ARHGAP26: variants seen among roughly 807,000 people sequenced by gnomAD.
ARHGAP26 encodes the protein rho GTPase-activating protein 26.
Under a neutral mutation model 104.8 loss-of-function variants are expected in ARHGAP26, and 38 were observed. That is an observed-to-expected ratio of 0.36 (90% CI 0.28 to 0.48). ARHGAP26 has a LOEUF of 0.48. Ranked by LOEUF, ARHGAP26 falls within the 20% of genes least tolerant of loss-of-function variation. ARHGAP26 has a pLI of 0.99. For synonymous variants in ARHGAP26, 341 were observed against 340.0 expected, an observed-to-expected ratio of 1.00 and a Z score of -0.03; for missense variants, 704 against 947.9, an observed-to-expected ratio of 0.74 and a Z score of 3.38.
chr5:142,855,764 T>C (rs1561958250), intron 1 of ARHGAP26, among the ~76,000 whole-genome samples: 1 of 152,220 alleles, frequency 6.6e-6, no homozygotes, highest in Non-Finnish European at 1.5e-5. Context: ...AAGATTGTTT[T>C]ATTGTTTTCT....
chr5:143,164,925 G>A (rs544578199), intron 20 of ARHGAP26: 4 of 152,088 alleles, frequency 2.6e-5, no homozygotes, highest in Non-Finnish European at 2.9e-5. Context: ...TCAGTGTGTC[G>A]GGCCTCAAAA....
chr5:143,102,702 A>G (rs937728724), intron 17 of ARHGAP26, among the ~76,000 whole-genome samples: 2 of 152,244 alleles, frequency 1.3e-5, no homozygotes, highest in Non-Finnish European at 2.9e-5. Context: ...TTACCAAAGC[A>G]TTCTTCACTA....
At chr5:143,035,164 A>T (rs1049270072) in intron 12 of ARHGAP26, among the ~76,000 whole-genome samples, 2 of 152,216 alleles carry the variant, frequency 1.3e-5, no homozygotes, top group African/African-American at 4.8e-5. Flanking sequence ...TTAATATTTC[A>T]GTTTGGGAAG....
intron 1 of ARHGAP26, among the ~76,000 whole-genome samples, chr5:142,777,675 C>T (rs570814578): frequency 6.6e-6 from 1 of 152,284 alleles, no homozygotes; most frequent in African/African-American, 2.4e-5. Context: ...TTACCATGTC[C>T]TCCAGAGCCC....
chr5:142,871,985 A>G lies in ARHGAP26; in HGVS notation c.155-1415A>G, dbSNP rs746530508. Reference sequence around the variant, plus strand: ...ATCACAGCGTGTGGGAGGGCAGTCCAGGAGCAGGAGCTGCAGCTGCTGTCC... The same window carrying G: ...ATCACAGCGTGTGGGAGGGCAGTCCGGGAGCAGGAGCTGCAGCTGCTGTCC... On this transcript the variant is annotated intron_variant, in intron 1 of 22. Transcript: ENST00000645722. The surrounding 1 kb of genome is among the most constrained non-coding windows in gnomAD (Gnocchi z 4.1). Among the ~76,000 whole-genome samples the G allele has an allele frequency of 7.2e-5, 11 of 152,224 alleles. No homozygotes were observed. The highest frequency in any genetic ancestry group is 1.6e-4 in the Non-Finnish European group (11 of 68,044).
At chr5:143,196,396 A>C (rs939253025) in intron 20 of ARHGAP26, among the ~76,000 whole-genome samples, 1 of 152,200 alleles carries the variant, frequency 6.6e-6, no homozygotes, top group Non-Finnish European at 1.5e-5. Flanking sequence ...GGAATTACTG[A>C]ATACTAAGCC....
chr5:142,874,162 G>A (rs1172537161), intron 2 of ARHGAP26, among the ~76,000 whole-genome samples: 1 of 152,168 alleles, frequency 6.6e-6, no homozygotes, highest in Non-Finnish European at 1.5e-5. Flanking sequence ...GTGGGTTACT[G>A]TTTATCACCA....
chr5:143,150,159 G>A (rs1562511808), intron 20 of ARHGAP26, among the ~76,000 whole-genome samples: 1 of 152,166 alleles, frequency 6.6e-6, no homozygotes, highest in African/African-American at 2.4e-5. Flanking sequence ...TCCTGAAGTA[G>A]CCATCTCTCC....
At position 142,901,988 on chromosome 5, in the gene ARHGAP26, G is replaced by A. The variant is rs943787753; in HGVS notation, c.651G>A (p.Leu217=). The A allele has an allele frequency of 1.9e-6, 3 of 1,614,012 alleles. No individual in the cohort carries two copies. Among genetic ancestry groups the A allele is most frequent in the South Asian group, 1.1e-5 (1 of 91,082 alleles). ...LFTFYHHGYE[L]AKDFGDFKTQ... The stretch of plus-strand genomic sequence containing the variant: ...CTTTCTATCACCATGGTTACGAACT[G>A]GCCAAGGATTTCGGGGACTTCAAGA... The change falls in exon 7 of 23, where the codon CTG becomes CTA. Residue 217 remains leucine (L), a synonymous_variant. Transcript: ENST00000645722.
At chr5:142,813,237 T>C (rs1764473300) in intron 1 of ARHGAP26, among the ~76,000 whole-genome samples, 1 of 152,224 alleles carries the variant, frequency 6.6e-6, no homozygotes, top group African/African-American at 2.4e-5. Context: ...CACCAAATTC[T>C]ATATAATTTC....
At chr5:143,142,172 T>C (rs1299568590) in intron 19 of ARHGAP26, among the ~76,000 whole-genome samples, 9 of 147,332 alleles carry the variant, frequency 6.1e-5, no homozygotes, top group African/African-American at 2.3e-4. Flanking sequence ...AGTCTTGCTC[T>C]GTCGCCTAGG....
intron 1 of ARHGAP26, among the ~76,000 whole-genome samples, chr5:142,782,940 C>G (rs1025832818): frequency 6.6e-6 from 1 of 152,126 alleles, no homozygotes; most frequent in East Asian, 1.9e-4. Context: ...TCTGGCTTTA[C>G]CCAAGGAAAT....
chr5:143,158,954 T>C (rs1202022481), intron 20 of ARHGAP26, among the ~76,000 whole-genome samples: 2 of 152,196 alleles, frequency 1.3e-5, no homozygotes, highest in East Asian at 3.8e-4. Context: ...CTTTGGTGCA[T>C]TCAAAATAAC....
At chr5:143,188,079 A>G (rs1197247922) in intron 20 of ARHGAP26, among the ~76,000 whole-genome samples, 1 of 152,242 alleles carries the variant, frequency 6.6e-6, no homozygotes, top group Non-Finnish European at 1.5e-5. Context: ...ATTAGCACTA[A>G]AAGTTTATTA....
intron 1 of ARHGAP26, among the ~76,000 whole-genome samples, chr5:142,792,432 A>G (rs1052570221): frequency 6.6e-6 from 1 of 152,204 alleles, no homozygotes; most frequent in Non-Finnish European, 1.5e-5. Context: ...ATTCTTAGGT[A>G]GAGTGGGTAG....
At chr5:142,785,498 A>C (rs1003526019) in intron 1 of ARHGAP26, among the ~76,000 whole-genome samples, 1 of 152,126 alleles carries the variant, frequency 6.6e-6, no homozygotes, top group African/African-American at 2.4e-5. Flanking sequence ...CTTGGTGTTG[A>C]TCTTGCTTTA....
At chr5:142,971,695 GACACA>G (rs751049201) in intron 11 of ARHGAP26, among the ~76,000 whole-genome samples, 3 of 152,062 alleles carry the variant, frequency 2.0e-5, no homozygotes, top group Non-Finnish European at 4.4e-5. Flanking sequence ...TATGAAGGTA[GACACA>G]ATTATCCCTG....
At chr5:143,141,521 A>G (rs186701552) in intron 19 of ARHGAP26, among the ~76,000 whole-genome samples, 186 of 152,316 alleles carry the variant, frequency 1.2e-3, no homozygotes, top group South Asian at 2.3e-3. Flanking sequence ...CATATTTCTT[A>G]TATATTCACT....
Position 143,078,880 on chromosome 5 carries a change from G to T in ARHGAP26, c.1538+21133G>T, listed in dbSNP as rs376467831. Among the ~76,000 whole-genome samples, 242 of 152,258 alleles carry T rather than the reference G, an allele frequency of 1.6e-3. 7 individuals carry two copies. The South Asian group carries it at 0.048, about 30-fold the overall frequency. On this transcript the variant is annotated intron_variant, in intron 17 of 22. Coordinates refer to ENST00000645722, the MANE Select transcript of ARHGAP26 (RefSeq NM_001135608.3). ...TTCTTGATGGCTGACTGGTGAAACC[G>T]GTGGTTATGGTAGCATCACTAAACA...
Sources: allele counts gnomAD v4.1 joint callset (sites outside exome capture counted in the v4.1 genomes callset), GRCh38; gene constraint gnomAD v4.1.1; non-coding constraint Gnocchi (gnomAD v3.1); transcripts MANE v1.5; gene names NCBI Gene and HGNC (gene_info 2026-07-23, HGNC 2026-07-21).